TENM2: variants seen among roughly 807,000 people sequenced by gnomAD.
TENM2 encodes the protein teneurin-2.
TENM2 carries 52 observed loss-of-function variants against 245.2 expected under a neutral mutation model. That is an observed-to-expected ratio of 0.21 (90% CI 0.17 to 0.27). The LOEUF is 0.27. Ranked by LOEUF, TENM2 falls within the 10% of genes least tolerant of loss-of-function variation. TENM2 has a pLI of 1.00. For synonymous variants in TENM2, 1,363 were observed against 1,438.9 expected (o/e 0.95, Z 1.19); for missense variants, 3,046 against 3,666.8 (o/e 0.83, Z 4.37).
intron 2 of TENM2, among the ~76,000 whole-genome samples, chr5:167,410,270 A>C (rs182063419): frequency 1.8e-4 from 28 of 152,178 alleles, no homozygotes; most frequent in Admixed American, 1.8e-3. Flanking sequence ...TTGTTGAGAC[A>C]GATGGCCTAT....
intron 2 of TENM2, among the ~76,000 whole-genome samples, chr5:167,531,921 T>C (rs1192883499): frequency 6.6e-6 from 1 of 152,196 alleles, no homozygotes; most frequent in Non-Finnish European, 1.5e-5. Context: ...TTTCACAGCC[T>C]GATTTATGCT....
the TENM2 span, among the ~76,000 whole-genome samples, chr5:167,123,635 G>A: frequency 3.3e-5 from 5 of 152,136 alleles, no homozygotes; most frequent in Non-Finnish European, 1.5e-5. Flanking sequence ...ACTCTAAAGG[G>A]ATGCCTCATA....
At chr5:167,147,263 A>C in the TENM2 span, among the ~76,000 whole-genome samples, 168 of 152,332 alleles carry the variant, frequency 1.1e-3, no homozygotes, top group Middle Eastern at 0.054. Flanking sequence ...CTCATTAAGA[A>C]ATAAATTAAT....
chr5:167,719,208 G>A (rs776095122), intron 2 of TENM2, among the ~76,000 whole-genome samples: 42 of 152,156 alleles, frequency 2.8e-4, no homozygotes, highest in African/African-American at 9.7e-4. Context: ...TTAAAAACAC[G>A]CATAACTTAC....
chr5:167,965,267 A>G lies in TENM2; in HGVS notation c.947+12445A>G, dbSNP rs1458755076. 6.6e-5 allele frequency: 10 copies of G among 152,344 alleles called. No individual in the cohort carries two copies. In the East Asian group the frequency reaches 1.7e-3, roughly 26 times the overall value. 9.4% of individuals were successfully genotyped at this position (152,344 alleles called of 1,614,324 possible). On this transcript the variant is annotated intron_variant, in intron 4 of 28. Transcript: ENST00000518659. Reference sequence around the variant, plus strand: ...AGAAAACAAAAGTTCAGTTTTGGACATGTTACATTTATGAGGCAAGAGAAT... The same window carrying G: ...AGAAAACAAAAGTTCAGTTTTGGACGTGTTACATTTATGAGGCAAGAGAAT...
the TENM2 span, among the ~76,000 whole-genome samples, chr5:167,233,951 A>T: frequency 6.0e-5 from 9 of 150,208 alleles, no homozygotes; most frequent in African/African-American, 2.2e-4. Context: ...TAAAAAAAAG[A>T]ACCTTATGGT....
the TENM2 span, among the ~76,000 whole-genome samples, chr5:167,142,380 T>A: frequency 6.6e-6 from 1 of 152,240 alleles, no homozygotes; most frequent in Admixed American, 6.5e-5. Flanking sequence ...TTGAGTCTCA[T>A]CATCCACTAT....
At chr5:167,350,455 C>T (rs1381228934) in intron 1 of TENM2, among the ~76,000 whole-genome samples, 1 of 144,470 alleles carries the variant, frequency 6.9e-6, no homozygotes, top group South Asian at 2.2e-4. Context: ...GTATGTATGT[C>T]CCATATATAT....
intron 3 of TENM2, among the ~76,000 whole-genome samples, chr5:167,942,954 A>ATG (rs1299740159): frequency 6.6e-6 from 1 of 152,128 alleles, no homozygotes; most frequent in Non-Finnish European, 1.5e-5. Flanking sequence ...ACGTGTGTGT[A>ATG]TGTGTGTGCA....
intron 5 of TENM2, among the ~76,000 whole-genome samples, chr5:168,022,609 T>C (rs1786251566): frequency 6.6e-6 from 1 of 152,226 alleles, no homozygotes; most frequent in South Asian, 2.1e-4. Flanking sequence ...AGCATGAGTG[T>C]TGCAGGATTA....
intron 10 of TENM2, among the ~76,000 whole-genome samples, chr5:168,122,546 A>G (rs1795541410): frequency 6.6e-6 from 1 of 152,164 alleles, no homozygotes; most frequent in Admixed American, 6.5e-5. Context: ...ACCACCCTAA[A>G]TGGAGCAAAT....
chr5:167,365,384 GAA>G (rs34858887), intron 1 of TENM2, among the ~76,000 whole-genome samples: 2 of 146,304 alleles, frequency 1.4e-5, no homozygotes, highest in African/African-American at 5.0e-5. Flanking sequence ...AGAAGGATGA[GAA>G]AAAAAAAACT....
chr5:167,733,840 T>TA (rs1744482194), intron 2 of TENM2, among the ~76,000 whole-genome samples: 1 of 151,890 alleles, frequency 6.6e-6, no homozygotes, highest in Admixed American at 6.6e-5. Flanking sequence ...ATGTATTGCG[T>TA]ATATATGTGC....
At chr5:167,855,619 C>A (rs1006011970) in intron 2 of TENM2, among the ~76,000 whole-genome samples, 1 of 136,218 alleles carries the variant, frequency 7.3e-6, no homozygotes, top group Non-Finnish European at 1.5e-5. Context: ...ATGTACTAGA[C>A]ACTCGAAGAA....
intron 2 of TENM2, among the ~76,000 whole-genome samples, chr5:167,568,319 G>A (rs1230930766): frequency 6.6e-6 from 1 of 151,950 alleles, no homozygotes; most frequent in African/African-American, 2.4e-5. Flanking sequence ...GAGATAGCAG[G>A]GTACAAAATG....
chr5:167,588,970 G>A (rs948639211), intron 2 of TENM2, among the ~76,000 whole-genome samples: 3 of 152,194 alleles, frequency 2.0e-5, no homozygotes, highest in Non-Finnish European at 2.9e-5. Flanking sequence ...AGAGGCTGAG[G>A]TGGGCGGATC....
the TENM2 span, chr5:167,165,418 G>A: frequency 2.6e-5 from 4 of 152,272 alleles, no homozygotes; most frequent in East Asian, 7.7e-4. Flanking sequence ...ACTTGGCTCA[G>A]TGTGGAAATA....
chr5:168,058,462 G>C (rs534206256), intron 6 of TENM2, among the ~76,000 whole-genome samples: 18 of 152,290 alleles, frequency 1.2e-4, no homozygotes, highest in Middle Eastern at 3.4e-3. Flanking sequence ...GCTGTGGGCT[G>C]CAGAAAAGCA....
intron 1 of TENM2, among the ~76,000 whole-genome samples, chr5:167,301,129 C>T (rs902602316): frequency 2.0e-5 from 3 of 152,204 alleles, no homozygotes; most frequent in South Asian, 2.1e-4. Flanking sequence ...AGGGGGCTTC[C>T]GAGGTGATCG....
Sources: gnomAD v4.1 joint callset for allele counts (sites outside exome capture counted in the v4.1 genomes callset) on GRCh38, gnomAD v4.1.1 for gene constraint, MANE v1.5 for transcripts, NCBI Gene and HGNC (gene_info 2026-07-23, HGNC 2026-07-21) for gene names.